Variants in MRPL43 observed in about 807,000 individuals in gnomAD.
MRPL43 encodes large ribosomal subunit protein mL43.
In MRPL43, 9 loss-of-function variants were observed where a neutral mutation model predicts 12.7. The observed-to-expected ratio is 0.71, with a 90% CI of 0.43 to 1.24. MRPL43 has a LOEUF of 1.24. Among genes scored for constraint, MRPL43 ranks in the 50% most tolerant of loss-of-function variants. The pLI is 0.00. For synonymous variants in MRPL43, 116 were observed against 96.4 expected (o/e 1.20, Z -1.19); for missense variants, 211 against 229.2 (o/e 0.92, Z 0.51).
downstream of MRPL43, chr10:100,980,295 T>C (rs1851001826): frequency 6.2e-7 from 1 of 1,614,098 alleles, no homozygotes; most frequent in South Asian, 1.1e-5. Flanking sequence ...CAGGGACACC[T>C]GTCACCACGC....
chr10:100,986,785 T>C lies in MRPL43; in HGVS notation c.429A>G (p.Leu143=), dbSNP rs1007673439. 18 of 1,613,642 alleles carry C rather than the reference T, an allele frequency of 1.1e-5. No homozygotes were observed. The highest frequency in any genetic ancestry group is 1.4e-5 in the Non-Finnish European group (16 of 1,180,018). Residue 143 remains leucine (L), a synonymous_variant, in exon 3 of 3, where the codon CTA becomes CTG. Transcript: ENST00000318364. The stretch of plus-strand genomic sequence containing the variant: ...CAGGATCCTGAACCTCTCGGGGGCG[T>C]AGCCCGCGGAACGTGGTCGGCTTGT... ...FTNKPTTFRG[L]RPREVQDPAP...
chr10:100,982,405 A>C (rs1589996032), downstream of MRPL43, among the ~76,000 whole-genome samples: 1 of 152,372 alleles, frequency 6.6e-6, no homozygotes, highest in African/African-American at 2.4e-5. Context: ...AATGGATTAC[A>C]TGGGGCCAGA....
In MRPL43 at chr10:100,986,536, G is replaced by T; in HGVS notation, c.*198C>A. 1 of 1,554,782 alleles carries T rather than the reference G, an allele frequency of 6.4e-7. No individual in the cohort carries two copies. ...TTAGGGATGCCACTTGCATAAAAAT[G>T]AGTGGTTCACAAGGTCACTGCCCCC... On this transcript the variant is annotated 3_prime_UTR_variant, in exon 3 of 3. Coordinates refer to ENST00000318364, the MANE Select transcript of MRPL43 (RefSeq NM_032112.3).
rs1048673338 is a variant in MRPL43, at chr10:100,986,769, G to A, written c.445C>T (p.Gln149Ter). ...TFRGLRPREV[Q>*]DPAPAQVQAQ ...TGCACCTGGGCTGGGGCAGGATCCT[G>A]AACCTCTCGGGGGCGTAGCCCGCGG... Residue 149 changes from glutamine to a stop codon, truncating the protein, a stop_gained, in exon 3 of 3, where the codon CAG (glutamine) becomes TAG (stop). Transcript: ENST00000318364. LOFTEE classifies it low-confidence loss of function (END_TRUNC). The A allele has an allele frequency of 6.2e-7, 1 of 1,613,854 alleles. No homozygotes were observed. The highest frequency in any genetic ancestry group is 8.5e-7 in the Non-Finnish European group (1 of 1,180,020).
chr10:100,986,067 T>C (rs1590008425), downstream of MRPL43, among the ~76,000 whole-genome samples: 1 of 152,224 alleles, frequency 6.6e-6, no homozygotes. Context: ...GAAGGAGATG[T>C]ATAGCTAAGA....
intron 2 of MRPL43, 51 bp from the exon 3 acceptor site, chr10:100,987,026 GAGA>G (rs1564804927): frequency 5.0e-6 from 8 of 1,606,586 alleles, no homozygotes; most frequent in South Asian, 1.1e-5. Flanking sequence ...GCGACCAAGC[GAGA>G]AGGAGGATAG....
chr10:100,983,273 G>A (rs915207295), downstream of MRPL43: 2 of 1,492,658 alleles, frequency 1.3e-6, no homozygotes, highest in Non-Finnish European at 1.8e-6. Flanking sequence ...CCTGGGACGG[G>A]CTGGTACTGA....
Position 100,987,484 on chromosome 10 carries a change from AG to A in MRPL43, c.-42del, listed in dbSNP as rs755454524. 1.1e-5 allele frequency: 17 copies of A among 1,603,632 alleles called. No homozygotes were observed. In the East Asian group the frequency reaches 3.4e-4, roughly 32 times the overall value. ...GCCGCGGAGCCTAAGCAGCGAGGAG[AG>A]GGGGGCGGGACTAAACCTCGAGGCT... is the stretch of plus-strand genomic sequence containing the variant. On this transcript the variant is annotated 5_prime_UTR_variant, in exon 1 of 3. Transcript: ENST00000318364.
downstream of MRPL43, chr10:100,983,754 C>T (rs1274190195): frequency 6.2e-7 from 1 of 1,612,254 alleles, no homozygotes; most frequent in East Asian, 2.2e-5. Flanking sequence ...GAAATACTCA[C>T]TGGGTCGGGC....
Position 100,987,311 on chromosome 10 carries a change from A to G in MRPL43, c.131+2T>C, listed in dbSNP as rs760354744. The G allele has an allele frequency of 6.0e-5, 97 of 1,611,988 alleles. No homozygotes were observed. Among genetic ancestry groups the G allele is most frequent in the Admixed American group, 5.8e-4 (35 of 59,974 alleles). On this transcript the variant is annotated splice_donor_variant, in intron 1 of 2. Coordinates refer to ENST00000318364, the MANE Select transcript of MRPL43 (RefSeq NM_032112.3). LOFTEE classifies it high-confidence loss of function. ...CGCGCCTGCGCACTTCCCTTGGCTC[A>G]CCTGGCGCCGCGAGACGAGGCGCCG...
Position 100,986,512 on chromosome 10 carries a change from T to C in MRPL43, c.*222A>G. On this transcript the variant is annotated 3_prime_UTR_variant, in exon 3 of 3. Coordinates refer to ENST00000318364, the MANE Select transcript of MRPL43 (RefSeq NM_032112.3). ...TTGAAGTCTTCCTCATCTCAGGTTT[T>C]AGGGATGCCACTTGCATAAAAATGA... is the stretch of plus-strand genomic sequence containing the variant. 6.4e-7 allele frequency: 1 copy of C among 1,551,436 alleles called. No homozygotes were observed. Among genetic ancestry groups the C allele is most frequent in the African/African-American group, 1.4e-5 (1 of 73,174 alleles).
At chr10:100,983,517 G>A (rs753406520), downstream of MRPL43, 18 of 1,614,060 alleles carry the variant, frequency 1.1e-5, no homozygotes, top group South Asian at 2.2e-5. Flanking sequence ...CTGCTATGCC[G>A]AGGAAAATGG....
chr10:100,980,413 T>C, downstream of MRPL43: 1 of 1,492,490 alleles, frequency 6.7e-7, no homozygotes, highest in Non-Finnish European at 9.3e-7. Context: ...CATTAATTCC[T>C]GCCATGACTA....
chr10:100,980,326 C>G (rs1231751585), downstream of MRPL43: 1 of 1,614,172 alleles, frequency 6.2e-7, no homozygotes. Context: ...TACCTATGAC[C>G]TGCTCTTTCT....
At chr10:100,978,584 G>A (rs756229401), downstream of MRPL43, 39 of 1,613,958 alleles carry the variant, frequency 2.4e-5, no homozygotes, top group Middle Eastern at 1.6e-4. Flanking sequence ...GACATCCGCC[G>A]GAGCCGCCAC....
downstream of MRPL43, chr10:100,984,402 G>A: frequency 6.9e-7 from 1 of 1,459,382 alleles, no homozygotes; most frequent in South Asian, 1.4e-5. Context: ...CCCAGAGCCA[G>A]TTCCTATCCC....
rs750281034 is a variant in MRPL43 at position 100,986,370 on chromosome 10, G to T, written c.*364C>A. On this transcript the variant is annotated 3_prime_UTR_variant, in exon 3 of 3. Transcript: ENST00000318364. Reference sequence around the variant, plus strand: ...TCACAGCAGAGCTCTCCGTAGCTCAGTGGTTGTTCCAATAAGACATCAGGG... The same window carrying T: ...TCACAGCAGAGCTCTCCGTAGCTCATTGGTTGTTCCAATAAGACATCAGGG... The T allele has an allele frequency of 2.1e-5, 31 of 1,457,734 alleles. No homozygotes were observed. Among genetic ancestry groups the T allele is most frequent in the Non-Finnish European group, 2.7e-5 (30 of 1,109,838 alleles). The allele number at this position is 1,457,734 out of a possible 1,614,324, so 90.3% of individuals were successfully genotyped here. A position where few individuals can be genotyped will look rare whatever the true frequency, so the allele number is the denominator to read the frequency against.
At position 100,986,994 on chromosome 10, in the gene MRPL43, G is replaced by C. The variant is rs1851527784; in HGVS notation, c.239-19C>G. On this transcript the variant is annotated intron_variant, in intron 2 of 2. Transcript: ENST00000318364. ...CCGTTAACTGGCAGAAGAGGGGTGAGAGTGGGTGGAAGCTGGCCGGTGCGA... is the reference window on the plus strand; with the variant it reads ...CCGTTAACTGGCAGAAGAGGGGTGACAGTGGGTGGAAGCTGGCCGGTGCGA... 18 of 1,605,432 alleles carry C rather than the reference G, an allele frequency of 1.1e-5. No homozygotes were observed. The highest frequency in any genetic ancestry group is 1.4e-5 in the Non-Finnish European group (17 of 1,179,434).
chr10:100,978,496 GTC>G, downstream of MRPL43: 1 of 1,605,226 alleles, frequency 6.2e-7, no homozygotes, highest in African/African-American at 1.3e-5. Flanking sequence ...AATATGACAT[GTC>G]TCTCATGCCT....
Sources: allele counts gnomAD v4.1 joint callset (sites outside exome capture counted in the v4.1 genomes callset), GRCh38; gene constraint gnomAD v4.1.1; transcripts MANE v1.5; gene names NCBI Gene and HGNC (gene_info 2026-07-23, HGNC 2026-07-21).